The following LBP variants were observed in gnomAD, a reference collection of about 807,000 sequenced individuals.
The protein encoded by LBP is lipopolysaccharide binding protein.
LBP carries 53 observed loss-of-function variants against 56.6 expected under a neutral mutation model. The ratio of observed to expected loss-of-function variants is 0.94; its 90% CI spans 0.75 to 1.18. LBP has a LOEUF of 1.18. Among genes scored for constraint, LBP ranks in the 50% most tolerant of loss-of-function variants. The probability of loss-of-function intolerance (pLI) is 0.00; values close to 1 mark genes in which losing one functional copy is unlikely to be tolerated. For synonymous variants in LBP, 227 were observed against 247.5 expected, an observed-to-expected ratio of 0.92 and a Z score of 0.78; for missense variants, 601 against 598.3, an observed-to-expected ratio of 1.00 and a Z score of -0.05.
At chr20:38,353,667 G>C (rs560717681) in intron 3 of LBP, among the ~76,000 whole-genome samples, 1 of 152,056 alleles carries the variant, frequency 6.6e-6, no homozygotes. Context: ...GAAAGCTTGT[G>C]CCAATGTGCA....
At chr20:38,369,734 A>G (rs920903015) in intron 10 of LBP, among the ~76,000 whole-genome samples, 2 of 152,188 alleles carry the variant, frequency 1.3e-5, no homozygotes, top group African/African-American at 4.8e-5. Flanking sequence ...TGGGGTGGAT[A>G]CAGCCTCCTG....
chr20:38,371,223 G>A (rs41274736), intron 11 of LBP, 57 bp from the exon 12 acceptor site: 35 of 1,444,088 alleles, frequency 2.4e-5, no homozygotes, highest in African/African-American at 4.3e-5. Context: ...GGGGACCCCC[G>A]CATTGCTTAA....
In LBP at chr20:38,368,341, C is replaced by T. The variant is rs113203674; in HGVS notation, c.982-654C>T. The stretch of plus-strand genomic sequence containing the variant: ...CTGGCCAGGTGCGGTGGCTCACACC[C>T]GTAATCCCAGCACTTTGGGAGGCTG... On this transcript the variant is annotated intron_variant, in intron 9 of 14. Transcript: ENST00000217407. 3.7e-4 allele frequency among the ~76,000 whole-genome samples: 56 copies of T among 152,066 alleles called. 3 individuals carry two copies. The highest frequency in any genetic ancestry group is 1.1e-3 in the African/African-American group (46 of 41,492).
intron 14 of LBP, among the ~76,000 whole-genome samples, chr20:38,375,807 A>G (rs1286938214): frequency 6.6e-6 from 1 of 152,178 alleles, no homozygotes; most frequent in African/African-American, 2.4e-5. Context: ...TGCCTGGTAC[A>G]TTGTTAACAA....
chr20:38,371,501 A>G (rs541743179), intron 12 of LBP, among the ~76,000 whole-genome samples, 179 bp downstream of exon 12: 24 of 152,376 alleles, frequency 1.6e-4, no homozygotes, highest in African/African-American at 5.5e-4. Context: ...GTTATATCCT[A>G]GTATAAAACA....
At position 38,364,054 on chromosome 20, in the gene LBP, G is replaced by A; in HGVS notation, c.732G>A (p.Glu244=). Residue 244 remains glutamate (E), a synonymous_variant, in exon 7 of 15, where the codon GAG becomes GAA. Coordinates refer to ENST00000217407, the MANE Select transcript of LBP (RefSeq NM_004139.5). The stretch of plus-strand genomic sequence containing the variant: ...CTCGGGCAACAGCCCAGATGCTGGA[G>A]GTGATGTTTAAGGTGAGGGTCCTGG... ...EAPRATAQML[E]VMFKGEIFHR... 1 of 1,613,074 alleles carries A rather than the reference G, an allele frequency of 6.2e-7. No homozygotes were observed. Among genetic ancestry groups the A allele is most frequent in the Non-Finnish European group, 8.5e-7 (1 of 1,179,060 alleles).
At chr20:38,351,385 G>A (rs925634015) in intron 3 of LBP, among the ~76,000 whole-genome samples, 2 of 152,122 alleles carry the variant, frequency 1.3e-5, no homozygotes, top group African/African-American at 4.8e-5. Context: ...CAGGGACAGC[G>A]GAGAACACGC....
At chr20:38,364,212 G>A (rs1215578985) in intron 7 of LBP, 146 bp downstream of exon 7, 3 of 647,126 alleles carry the variant, frequency 4.6e-6, no homozygotes, top group Non-Finnish European at 8.2e-6. Context: ...ATGGAGTGGT[G>A]GGGAGTGTTT....
At chr20:38,352,687 G>A (rs962922926) in intron 3 of LBP, among the ~76,000 whole-genome samples, 6 of 152,240 alleles carry the variant, frequency 3.9e-5, no homozygotes, top group Non-Finnish European at 7.4e-5. Context: ...CCTGGGAGGC[G>A]GAGGTTGCGG....
Position 38,350,847 on chromosome 20 carries a change from G to A in LBP, c.276G>A (p.Ala92=), listed in dbSNP as rs5744203. 1.4e-3 allele frequency: 2,237 copies of A among 1,613,664 alleles called. 3 individuals are homozygous for A. Among genetic ancestry groups the A allele is most frequent in the Middle Eastern group, 2.1e-3 (13 of 6,056 alleles). Residue 92 remains alanine (A), a synonymous_variant, in exon 3 of 15, where the codon GCG becomes GCA. Coordinates refer to ENST00000217407, the MANE Select transcript of LBP (RefSeq NM_004139.5). ...NIHSCELLHS[A]LRPVPGQGLS... is the part of the protein sequence containing the mutation. ...ACAGCTGTGAGCTGCTTCACTCTGC[G>A]CTGAGGCCTGTCCCTGGCCAGGGCC...
At chr20:38,361,755 C>T (rs552586574) in intron 6 of LBP, among the ~76,000 whole-genome samples, 2 of 152,068 alleles carry the variant, frequency 1.3e-5, no homozygotes, top group African/African-American at 4.8e-5. Context: ...AAGAAAAGTG[C>T]TCAAATCATA....
chr20:38,348,787 A>AGTTTAGTTTTGTTTTGTTTT (rs1402944274), intron 1 of LBP, among the ~76,000 whole-genome samples: 11 of 135,512 alleles, frequency 8.1e-5, no homozygotes, highest in Admixed American at 5.3e-4. Context: ...AGTTTAGTTT[A>AGTTTAGTTTTGTTTTGTTTT]GTTTTGTTTT....
intron 12 of LBP, among the ~76,000 whole-genome samples, 189 bp from the exon 13 acceptor site, chr20:38,372,883 G>A (rs988739270): frequency 1.3e-5 from 2 of 152,228 alleles, no homozygotes; most frequent in Non-Finnish European, 2.9e-5. Context: ...ACTGTCGGGT[G>A]TGTAACTTTC....
intron 8 of LBP, among the ~76,000 whole-genome samples, chr20:38,366,296 GC>G (rs1238786062): frequency 6.6e-6 from 1 of 152,126 alleles, no homozygotes; most frequent in Non-Finnish European, 1.5e-5. Flanking sequence ...CCATCCTACT[GC>G]GGCACGGGCC....
chr20:38,365,706 AAAAAAAAAAAAAT>A (rs1217468255), intron 8 of LBP, among the ~76,000 whole-genome samples: 15 of 76,696 alleles, frequency 2.0e-4, no homozygotes, highest in African/African-American at 6.2e-4. Context: ...CAAAAAAAAA[AAAAAAAAAAAAAT>A]ATATATATAT....
chr20:38,371,610 T>C (rs918865765), intron 12 of LBP, among the ~76,000 whole-genome samples: 2 of 152,124 alleles, frequency 1.3e-5, no homozygotes, highest in Non-Finnish European at 2.9e-5. Context: ...ATATATAGGA[T>C]TATATAATTG....
At chr20:38,347,952 C>T (rs765916714) in intron 1 of LBP, among the ~76,000 whole-genome samples, 6 of 152,012 alleles carry the variant, frequency 3.9e-5, no homozygotes, top group South Asian at 2.1e-4. Context: ...CAGACTGGCT[C>T]GAGACAGGCA....
intron 8 of LBP, among the ~76,000 whole-genome samples, chr20:38,365,026 G>A (rs2076875653): frequency 6.6e-6 from 1 of 151,936 alleles, no homozygotes; most frequent in African/African-American, 2.4e-5. Context: ...CTTGAGGTCA[G>A]GAGCTTGAGA....
chr20:38,372,954 AAT>A (rs1353126012), intron 12 of LBP, 116 bp from the exon 13 acceptor site: 1 of 816,904 alleles, frequency 1.2e-6, no homozygotes, highest in Non-Finnish European at 2.0e-6. Context: ...TATCTTATAA[AAT>A]AGTAGCATGA....
Sources: gnomAD v4.1 joint callset for allele counts (sites outside exome capture counted in the v4.1 genomes callset) on GRCh38, gnomAD v4.1.1 for gene constraint, MANE v1.5 for transcripts, NCBI Gene and HGNC (gene_info 2026-07-23, HGNC 2026-07-21) for gene names.